The following TERB1 variants were observed in gnomAD, a reference collection of about 807,000 sequenced individuals.
The protein encoded by TERB1 is telomere repeat binding bouquet formation protein 1.
Under a neutral mutation model 92.3 loss-of-function variants are expected in TERB1, and 63 were observed. That is an observed-to-expected ratio of 0.68 (90% confidence interval 0.56 to 0.84). The LOEUF (loss-of-function observed/expected upper bound fraction) is 0.84, where lower values mean the gene tolerates loss of function less well. Ranked by LOEUF, TERB1 falls within the 40% of genes least tolerant of loss-of-function variation. The pLI is 0.00. For missense variants in TERB1, 709 were observed against 843.7 expected, an observed-to-expected ratio of 0.84 and a Z score of 1.98; for synonymous variants, 252 against 283.9, an observed-to-expected ratio of 0.89 and a Z score of 1.13.
At chr16:66,757,930 A>G (rs1365709699) in intron 18 of TERB1, among the ~76,000 whole-genome samples, 2 of 152,216 alleles carry the variant, frequency 1.3e-5, no homozygotes, top group Non-Finnish European at 2.9e-5. Flanking sequence ...TTATTTCTTA[A>G]GCAGAGTTTT....
chr16:66,775,260 AAG>A lies in TERB1; in HGVS notation c.986-19_986-18del, dbSNP rs1329442779. 6 of 1,541,794 alleles carry A rather than the reference AAG, an allele frequency of 3.9e-6. No homozygotes were observed. The highest frequency in any genetic ancestry group is 5.3e-6 in the Non-Finnish European group (6 of 1,138,594). On this transcript the variant is annotated intron_variant, in intron 11 of 18. Transcript: ENST00000433154. ...GATTTTCCTCTGGAAAACATAAACA[AAG>A]AGGACAATGTTTTTTATCATAAACT...
intron 2 of TERB1, among the ~76,000 whole-genome samples, chr16:66,799,533 G>A (rs1959223144): frequency 6.6e-6 from 1 of 151,900 alleles, no homozygotes; most frequent in African/African-American, 2.4e-5. Context: ...TGGCCTAAGA[G>A]GGGTAATGTA....
chr16:66,789,245 TAA>T (rs1482898825), intron 5 of TERB1, among the ~76,000 whole-genome samples: 1 of 151,794 alleles, frequency 6.6e-6, no homozygotes, highest in Admixed American at 6.6e-5. Context: ...ATGTACCCTA[TAA>T]ATATATACAC....
At chr16:66,767,695 T>G (rs555718198) in intron 15 of TERB1, among the ~76,000 whole-genome samples, 185 bp from the exon 16 acceptor site, 1 of 152,084 alleles carries the variant, frequency 6.6e-6, no homozygotes, top group East Asian at 1.9e-4. Context: ...GAGTCAAAGG[T>G]GTGGCTTATG....
chr16:66,769,598 ACT>A (rs938400661), intron 14 of TERB1, among the ~76,000 whole-genome samples: 2 of 152,208 alleles, frequency 1.3e-5, no homozygotes, highest in Non-Finnish European at 1.5e-5. Flanking sequence ...TTTTTGCTAT[ACT>A]GCTGATTATC....
intron 16 of TERB1, among the ~76,000 whole-genome samples, chr16:66,764,048 A>T (rs930289189): frequency 6.6e-6 from 1 of 151,506 alleles, no homozygotes; most frequent in African/African-American, 2.4e-5. Context: ...GAACGAGACC[A>T]AGAAAAGTCT....
intron 5 of TERB1, among the ~76,000 whole-genome samples, chr16:66,789,122 C>G (rs1022033793): frequency 6.8e-6 from 1 of 147,924 alleles, no homozygotes; most frequent in African/African-American, 2.5e-5. Flanking sequence ...TTTAAAATAA[C>G]TAAAGAGTAT....
intron 5 of TERB1, among the ~76,000 whole-genome samples, chr16:66,789,017 C>CAAA (rs57876042): frequency 5.1e-4 from 35 of 68,224 alleles, no homozygotes; most frequent in Non-Finnish European, 6.0e-4. Flanking sequence ...GGTATGGTAC[C>CAAA]AAAAAAAAAA....
At chr16:66,777,855 CCA>C (rs1476188210) in intron 10 of TERB1, among the ~76,000 whole-genome samples, 1 of 152,162 alleles carries the variant, frequency 6.6e-6, no homozygotes, top group Non-Finnish European at 1.5e-5. Flanking sequence ...AAAAAGACCA[CCA>C]TTTTAAGCTA....
chr16:66,758,743 GAA>G, intron 18 of TERB1, 28 bp downstream of exon 18: 2 of 1,305,870 alleles, frequency 1.5e-6, no homozygotes, highest in Non-Finnish European at 1.1e-6. Context: ...CCTGTCTCAA[GAA>G]AAAAAAAATT....
chr16:66,781,721 C>G (rs1447056514), intron 9 of TERB1, among the ~76,000 whole-genome samples: 1 of 151,966 alleles, frequency 6.6e-6, no homozygotes, highest in Non-Finnish European at 1.5e-5. Flanking sequence ...GGGGTTTCAC[C>G]GTGTTAGCCA....
chr16:66,758,716 G>A, intron 18 of TERB1, 57 bp downstream of exon 18: 1 of 1,074,018 alleles, frequency 9.3e-7, no homozygotes. Context: ...ACTCCATCCT[G>A]GGTAACAGAG....
Position 66,789,032 on chromosome 16 carries a change from A to G in TERB1, c.272-735T>C, listed in dbSNP as rs1292469206. ...GGTATGGTACCAAAAAAAAAAAAAA[A>G]AAAAAAGAAAGAATGACTAAGACTT... On this transcript the variant is annotated intron_variant, in intron 5 of 18. Coordinates refer to ENST00000433154, the MANE Select transcript of TERB1 (RefSeq NM_001136505.2). 2.0e-5 allele frequency among the ~76,000 whole-genome samples: 3 copies of G among 151,414 alleles called. No homozygotes were observed. In the East Asian group the frequency reaches 5.8e-4, roughly 29 times the overall value.
In TERB1 at chr16:66,796,844, G is replaced by C; in HGVS notation, c.-32-14C>G. 1.5e-6 allele frequency: 2 copies of C among 1,316,198 alleles called. No individual in the cohort carries two copies. The highest frequency in any genetic ancestry group is 2.1e-6 in the Non-Finnish European group (2 of 939,134). The allele number at this position is 1,316,198 out of a possible 1,614,324, so 81.5% of individuals were successfully genotyped here. ...CTTATATTTTGTCTATAAGATAAAG[G>C]TATTTTCTCAATTTAAATCAATGTT... On this transcript the variant is annotated splice_polypyrimidine_tract_variant and intron_variant, in intron 2 of 18. Transcript: ENST00000433154.
At chr16:66,767,841 C>A (rs564175493) in intron 15 of TERB1, among the ~76,000 whole-genome samples, 1 of 152,178 alleles carries the variant, frequency 6.6e-6, no homozygotes, top group South Asian at 2.1e-4. Flanking sequence ...AGTTCTCCTG[C>A]GTCAGCCTCC....
Position 66,755,207 on chromosome 16 carries a change from G to T in TERB1, c.1997-44C>A, listed in dbSNP as rs1416596060. ...AATATATTAGTATTTGCTGAACAAAGGTCCTGAGATGCAAATAAGTGCTTA... is the reference window on the plus strand; with the variant it reads ...AATATATTAGTATTTGCTGAACAAATGTCCTGAGATGCAAATAAGTGCTTA... On this transcript the variant is annotated intron_variant, in intron 18 of 18. Transcript: ENST00000433154. 4 of 1,242,442 alleles carry T rather than the reference G, an allele frequency of 3.2e-6. No homozygotes were observed. The South Asian group carries it at 4.0e-5, about 13-fold the overall frequency. The allele number at this position is 1,242,442 out of a possible 1,614,324, so 77.0% of individuals were successfully genotyped here.
At chr16:66,775,729 G>A (rs1024340756) in intron 11 of TERB1, among the ~76,000 whole-genome samples, 1 of 49,056 alleles carries the variant, frequency 2.0e-5, no homozygotes, top group African/African-American at 8.1e-5. Flanking sequence ...TTTTTTTTTT[G>A]AGAGGGAATC....
In TERB1 at chr16:66,759,220, T is replaced by C. The variant is rs1018209879; in HGVS notation, c.1851A>G (p.Gln617=). 9 of 1,551,026 alleles carry C rather than the reference T, an allele frequency of 5.8e-6. No homozygotes were observed. The African/African-American group carries it at 6.8e-5, about 12-fold the overall frequency. ...CCACAATGACTTTGTGACGATCACA[T>C]TGGTATGGGCAAGAGTGCAAGAGCT... ...FSKLLHSCPY[Q]CDRHKVIVEA... The change falls in exon 17 of 19, where the codon CAA becomes CAG. Residue 617 remains glutamine, a synonymous_variant. Coordinates refer to ENST00000433154, the MANE Select transcript of TERB1 (RefSeq NM_001136505.2).
At chr16:66,777,761 A>G (rs1194364858) in intron 10 of TERB1, among the ~76,000 whole-genome samples, 1 of 152,206 alleles carries the variant, frequency 6.6e-6, no homozygotes, top group Non-Finnish European at 1.5e-5. Context: ...GTCATTTAAA[A>G]TACACTATTA....
Sources: gnomAD v4.1 joint callset for allele counts (sites outside exome capture counted in the v4.1 genomes callset) on GRCh38, gnomAD v4.1.1 for gene constraint, MANE v1.5 for transcripts, NCBI Gene and HGNC (gene_info 2026-07-23, HGNC 2026-07-21) for gene names.